Variants in PIEZO2 observed in about 807,000 individuals in gnomAD.
PIEZO2 encodes piezo type mechanosensitive ion channel component 2, also known as piezo-type mechanosensitive ion channel component 2.
In PIEZO2, 172 loss-of-function variants were observed where a neutral mutation model predicts 337.3. That is an observed-to-expected ratio of 0.51 (90% confidence interval 0.45 to 0.58). The LOEUF (loss-of-function observed/expected upper bound fraction) is 0.58, where lower values mean the gene tolerates loss of function less well. Ranked by LOEUF, PIEZO2 falls within the 20% of genes least tolerant of loss-of-function variation. The pLI is 0.00. For missense variants in PIEZO2, 3,028 were observed against 3,391.3 expected (o/e 0.89, Z 2.66); for synonymous variants, 1,251 against 1,228.5 (o/e 1.02, Z -0.38).
intron 36 of PIEZO2, 70 bp downstream of exon 36, chr18:10,731,337 T>C (rs1274279793): frequency 1.9e-6 from 2 of 1,045,782 alleles, no homozygotes; most frequent in African/African-American, 3.3e-5. Flanking sequence ...TTCTGTCCTT[T>C]GCAGACAAGG....
At chr18:10,992,695 T>C (rs1007052243) in intron 2 of PIEZO2, among the ~76,000 whole-genome samples, 1 of 152,232 alleles carries the variant, frequency 6.6e-6, no homozygotes, top group African/African-American at 2.4e-5. Context: ...TGCTTAGGAT[T>C]GCCTTGGCTA....
chr18:11,056,783 T>G (rs1028325794), intron 2 of PIEZO2, among the ~76,000 whole-genome samples: 6 of 152,078 alleles, frequency 3.9e-5, no homozygotes, highest in African/African-American at 1.4e-4. Context: ...CACAGTCAGC[T>G]GTGTCCATTA....
rs1282953416 is a variant in PIEZO2 at position 10,767,203 on chromosome 18, T to C, written c.2946+2945A>G. Among the ~76,000 whole-genome samples the C allele has an allele frequency of 6.6e-6, 1 of 152,184 alleles. No homozygotes were observed. Among genetic ancestry groups the C allele is most frequent in the East Asian group, 1.9e-4 (1 of 5,196 alleles). ...ATGTTTATGTATACTATATATATAT[T>C]TAAATCTAGATTATTCCAAAGCAGT... On this transcript the variant is annotated intron_variant, in intron 21 of 55. Coordinates refer to ENST00000674853, the MANE Select transcript of PIEZO2 (RefSeq NM_001378183.1). The surrounding 1 kb of genome is among the most constrained non-coding windows in gnomAD (Gnocchi z 4.2).
intron 2 of PIEZO2, among the ~76,000 whole-genome samples, chr18:11,055,068 G>A (rs2037673039): frequency 6.6e-6 from 1 of 152,088 alleles, no homozygotes; most frequent in South Asian, 2.1e-4. Context: ...AAAATTAGCT[G>A]GGCGCGGTGG....
At chr18:10,983,455 T>G (rs2034746490) in intron 2 of PIEZO2, among the ~76,000 whole-genome samples, 1 of 151,902 alleles carries the variant, frequency 6.6e-6, no homozygotes, top group South Asian at 2.1e-4. Context: ...GGAAAGTGAG[T>G]GATGTGTGTG....
rs1264750893 is a variant in PIEZO2 at position 11,146,811 on chromosome 18, C to T, written c.64+1714G>A. ...CCAACAGTCACAGTGAGCTGCTGTC[C>T]CTTGGAGAGCGGGATGGGGGATGGG... On this transcript the variant is annotated intron_variant, in intron 1 of 55. Transcript: ENST00000674853. The surrounding 1 kb of genome is among the most constrained non-coding windows in gnomAD (Gnocchi z 6.1). Among the ~76,000 whole-genome samples the T allele has an allele frequency of 2.0e-5, 3 of 152,166 alleles. No homozygotes were observed. Among genetic ancestry groups the T allele is most frequent in the Non-Finnish European group, 4.4e-5 (3 of 68,020 alleles).
chr18:10,922,588 G>T (rs1260455570), intron 3 of PIEZO2, among the ~76,000 whole-genome samples: 1 of 152,032 alleles, frequency 6.6e-6, no homozygotes, highest in Non-Finnish European at 1.5e-5. Flanking sequence ...AAGACCCTGA[G>T]CATGAGTAGA....
intron 2 of PIEZO2, among the ~76,000 whole-genome samples, chr18:11,015,868 TG>T (rs1396979601): frequency 6.6e-6 from 1 of 152,266 alleles, no homozygotes. Context: ...ACTGTTCACA[TG>T]CACACATGTT....
Position 10,752,627 on chromosome 18 carries a change from A to C in PIEZO2, c.4167+9T>G. 2.0e-6 allele frequency: 3 copies of C among 1,536,838 alleles called. No homozygotes were observed. Among genetic ancestry groups the C allele is most frequent in the Non-Finnish European group, 2.6e-6 (3 of 1,146,616 alleles). On this transcript the variant is annotated intron_variant, in intron 28 of 55. Transcript: ENST00000674853. ...ACCGCAAATGTGTTATGCAGTGGCAACCACTTACTGACAGGATATTTTTCA... is the reference window on the plus strand; with the variant it reads ...ACCGCAAATGTGTTATGCAGTGGCACCCACTTACTGACAGGATATTTTTCA...
At position 11,080,752 on chromosome 18, in the gene PIEZO2, G is replaced by C. The variant is rs2038709700; in HGVS notation, c.65-14530C>G. 6.6e-6 allele frequency among the ~76,000 whole-genome samples: 1 copy of C among 152,180 alleles called. No homozygotes were observed. The highest frequency in any genetic ancestry group is 1.5e-5 in the Non-Finnish European group (1 of 68,040). ...CCAGCTACTTGAGAGGCTGAGGCAG[G>C]AGAATCGCTTGAACTCGGGAGGCGG... On this transcript the variant is annotated intron_variant, in intron 1 of 55. Transcript: ENST00000674853. This position sits in a 1 kb window ranked among gnomAD's most constrained non-coding sequence, Gnocchi z 5.4.
chr18:10,957,153 C>T (rs9807266), intron 3 of PIEZO2, among the ~76,000 whole-genome samples: 10,172 of 152,030 alleles, frequency 0.067, 732 homozygotes, highest in African/African-American at 0.19. Flanking sequence ...AATCCCAACA[C>T]TTTGGGAGGC....
intron 7 of PIEZO2, among the ~76,000 whole-genome samples, chr18:10,812,573 C>T (rs190860129): frequency 2.6e-5 from 4 of 152,210 alleles, no homozygotes; most frequent in Non-Finnish European, 4.4e-5. Context: ...GAGGACATCG[C>T]GACATCAGGA....
At chr18:10,741,641 T>A (rs1300065640) in intron 32 of PIEZO2, among the ~76,000 whole-genome samples, 1 of 152,164 alleles carries the variant, frequency 6.6e-6, no homozygotes, top group Non-Finnish European at 1.5e-5. Flanking sequence ...CTATAAAAGA[T>A]CCTTTAAACT....
In PIEZO2 at chr18:10,746,359, G is replaced by A. The variant is rs1355009071; in HGVS notation, c.4424+2112C>T. On this transcript the variant is annotated intron_variant, in intron 30 of 55. Transcript: ENST00000674853. The surrounding 1 kb of genome is among the most constrained non-coding windows in gnomAD (Gnocchi z 4.2). ...ACTGTCCTCATCTTCCAATCTCAGC[G>A]CTGCAGTCACTGTGAGCTTCTGATG... Among the ~76,000 whole-genome samples the A allele has an allele frequency of 1.3e-5, 2 of 152,126 alleles. No individual in the cohort carries two copies. The highest frequency in any genetic ancestry group is 2.4e-5 in the African/African-American group (1 of 41,420).
Position 10,746,478 on chromosome 18 carries a change from G to C in PIEZO2, c.4424+1993C>G, listed in dbSNP as rs2037427381. 6.6e-6 allele frequency among the ~76,000 whole-genome samples: 1 copy of C among 152,162 alleles called. No homozygotes were observed. The highest frequency in any genetic ancestry group is 2.4e-5 in the African/African-American group (1 of 41,442). On this transcript the variant is annotated intron_variant, in intron 30 of 55. Transcript: ENST00000674853. This position sits in a 1 kb window ranked among gnomAD's most constrained non-coding sequence, Gnocchi z 4.2. The stretch of plus-strand genomic sequence containing the variant: ...CTTCAGCCTGCACTGGGAATGGAAG[G>C]CCACCTGGTTCACGCCCCTGCAGCT...
intron 4 of PIEZO2, among the ~76,000 whole-genome samples, chr18:10,876,067 T>C (rs896673475): frequency 1.3e-5 from 2 of 152,260 alleles, no homozygotes; most frequent in African/African-American, 4.8e-5. Context: ...TTGAAAAGTA[T>C]GCACAATAAA....
In PIEZO2 at chr18:11,143,180, C is replaced by T. The variant is rs772709868; in HGVS notation, c.64+5345G>A. 4.6e-5 allele frequency among the ~76,000 whole-genome samples: 7 copies of T among 152,048 alleles called. No homozygotes were observed. The highest frequency in any genetic ancestry group is 1.0e-4 in the Non-Finnish European group (7 of 68,006). The stretch of plus-strand genomic sequence containing the variant: ...GACTGATTCCATGTCCTCAAGACAA[C>T]GGTTTAAATCAAAAATCTTATAAGC... On this transcript the variant is annotated intron_variant, in intron 1 of 55. Transcript: ENST00000674853. The surrounding 1 kb of genome is among the most constrained non-coding windows in gnomAD (Gnocchi z 4.9).
chr18:11,095,717 C>A (rs1568369587), intron 1 of PIEZO2, among the ~76,000 whole-genome samples: 1 of 152,096 alleles, frequency 6.6e-6, no homozygotes, highest in African/African-American at 2.4e-5. Flanking sequence ...CAACATGAAC[C>A]CCTACTTCAT....
chr18:10,724,775 T>TC lies in PIEZO2; in HGVS notation c.5030-6517dup. On this transcript the variant is annotated intron_variant, in intron 36 of 55. Transcript: ENST00000674853. The surrounding 1 kb of genome is among the most constrained non-coding windows in gnomAD (Gnocchi z 5.8). ...CTGGCCTTGCCCGTGGCTCTGGCAG[T>TC]CCCCCCAGCACTGCAGCCCCAGCCT... 3 of 1,569,706 alleles carry TC rather than the reference T, an allele frequency of 1.9e-6. No individual in the cohort carries two copies. The highest frequency in any genetic ancestry group is 2.6e-6 in the Non-Finnish European group (3 of 1,156,456).
Sources: allele counts gnomAD v4.1 joint callset (sites outside exome capture counted in the v4.1 genomes callset), GRCh38; gene constraint gnomAD v4.1.1; non-coding constraint Gnocchi (gnomAD v3.1); transcripts MANE v1.5; gene names NCBI Gene and HGNC (gene_info 2026-07-23, HGNC 2026-07-21).